The following HERC1 variants were observed in gnomAD, a reference collection of about 807,000 sequenced individuals.
HERC1 encodes HECT and RLD domain containing E3 ubiquitin protein ligase family member 1.
Under a neutral mutation model 554.3 loss-of-function variants are expected in HERC1, and 160 were observed. That is an observed-to-expected ratio of 0.29 (90% CI 0.25 to 0.33). The LOEUF is 0.33. Among genes scored for constraint, HERC1 ranks in the 10% least tolerant of loss-of-function variants. The pLI, the probability that HERC1 is intolerant of heterozygous loss-of-function variation, is 1.00. For missense variants in HERC1, 4,919 were observed against 5,918.5 expected (o/e 0.83, Z 5.54); for synonymous variants, 2,175 against 2,131.7 (o/e 1.02, Z -0.56).
Position 63,692,479 on chromosome 15 carries a change from T to C in HERC1, c.5762A>G (p.Gln1921Arg), listed in dbSNP as rs929949242. 6.2e-7 allele frequency: 1 copy of C among 1,613,382 alleles called. No homozygotes were observed. The highest frequency in any genetic ancestry group is 1.1e-5 in the South Asian group (1 of 90,896). The change falls in exon 31 of 78, where the codon CAA becomes CGA. Residue 1921 changes from glutamine (Q) to arginine (R), a missense_variant. Physicochemically the swap from Gln to Arg is conservative, Grantham distance 43. Coordinates refer to ENST00000443617, the MANE Select transcript of HERC1 (RefSeq NM_003922.4). This position sits in a 1 kb window ranked among gnomAD's most constrained non-coding sequence, Gnocchi z 4.7. ...CCACTTTGGGGAAGCCATTTTTGAT[T>C]GAATTGCTTTTGAAGATACAACTCT... ...LRRVVSSKAI[Q>R]SKMASPKWTE...
In HERC1 at chr15:63,694,440, C is replaced by T; in HGVS notation, c.5352G>A (p.Gln1784=). 6.2e-7 allele frequency: 1 copy of T among 1,614,020 alleles called. No individual in the cohort carries two copies. Among genetic ancestry groups the T allele is most frequent in the Non-Finnish European group, 8.5e-7 (1 of 1,179,884 alleles). ...CTAGCATGGTGTCTGTACCACACAA[C>T]TGTGACAATACGTTTAGCAGACCAG... ...ISTGLLNVLS[Q]LCGTDTMLGQ... The change falls in exon 29 of 78, where the codon CAG becomes CAA. Residue 1784 remains glutamine (Q), a synonymous_variant. Coordinates refer to ENST00000443617, the MANE Select transcript of HERC1 (RefSeq NM_003922.4). This position sits in a 1 kb window ranked among gnomAD's most constrained non-coding sequence, Gnocchi z 4.3.
chr15:63,719,759 T>C (rs1000647152), intron 19 of HERC1, among the ~76,000 whole-genome samples: 4 of 152,264 alleles, frequency 2.6e-5, no homozygotes, highest in African/African-American at 9.6e-5. Context: ...ATCTGTGATG[T>C]GAGAATATGA....
chr15:63,732,827 T>C, intron 14 of HERC1, 97 bp downstream of exon 14: 1 of 802,648 alleles, frequency 1.2e-6, no homozygotes. Context: ...GGTCTAGAGT[T>C]TGATTTCTAT....
intron 2 of HERC1, 75 bp downstream of exon 2, chr15:63,774,619 A>T: frequency 9.6e-7 from 1 of 1,037,556 alleles, no homozygotes; most frequent in Non-Finnish European, 1.4e-6. Context: ...CACTATTACC[A>T]CCAATTCATT....
chr15:63,696,415 T>C (rs2072416081), intron 26 of HERC1, 76 bp from the exon 27 acceptor site: 1 of 931,542 alleles, frequency 1.1e-6, no homozygotes, highest in Non-Finnish European at 1.7e-6. Flanking sequence ...AAAAACAGTA[T>C]TTTTAACACT....
chr15:63,702,584 C>A lies in HERC1; in HGVS notation c.4637-3588G>T, dbSNP rs566991772. Among the ~76,000 whole-genome samples the A allele has an allele frequency of 3.3e-5, 5 of 152,264 alleles. 1 individual carries two copies. The South Asian group carries it at 1.0e-3, about 32-fold the overall frequency. ...TCTGTAAACAATCGTACAACCATAG[C>A]AAATCTTTTAAGTTTTATCAAAGTA... On this transcript the variant is annotated intron_variant, in intron 25 of 77. Coordinates refer to ENST00000443617, the MANE Select transcript of HERC1 (RefSeq NM_003922.4).
In HERC1 at chr15:63,753,033, T is replaced by C. The variant is rs537671329; in HGVS notation, c.1827A>G (p.Glu609=). The C allele has an allele frequency of 2.5e-6, 4 of 1,613,358 alleles. No individual in the cohort carries two copies. The South Asian group carries it at 4.4e-5, about 18-fold the overall frequency. Residue 609 remains glutamate, a synonymous_variant, in exon 8 of 78, where the codon GAA becomes GAG. Coordinates refer to ENST00000443617, the MANE Select transcript of HERC1 (RefSeq NM_003922.4). ...TGCGAATGAACATTCCTTGTAAAGC[T>C]TCAATAACTTTAGGTTTATACACTC... ...TNRVYKPKVI[E]ALQGMFIRKV...
rs775181964 is a variant in HERC1, at chr15:63,663,013, T to C, written c.8872A>G (p.Ile2958Val). The change falls in exon 44 of 78, where the codon ATC (isoleucine) becomes GTC (valine). Residue 2958 changes from isoleucine to valine, a missense_variant. This residue lies in a region of HERC1 where 1,963 missense variants were observed against 2,228.6 expected (regional missense o/e 0.88). Transcript: ENST00000443617. ...GTAGGCCAATCCAGTACCTCTGGGA[T>C]CCACATTCCCAGAATATCATTGTCA... ...TSDNDILGMWIPEVLDWPTWH... is the reference protein window; with the variant it reads ...TSDNDILGMWVPEVLDWPTWH... 6.2e-7 allele frequency: 1 copy of C among 1,613,950 alleles called. No homozygotes were observed. The highest frequency in any genetic ancestry group is 8.5e-7 in the Non-Finnish European group (1 of 1,179,804).
Position 63,656,232 on chromosome 15 carries a change from C to T in HERC1, c.9726G>A (p.Met3242Ile), listed in dbSNP as rs1225816691. The T allele has an allele frequency of 5.6e-6, 9 of 1,613,604 alleles. No homozygotes were observed. Among genetic ancestry groups the T allele is most frequent in the African/African-American group, 2.7e-5 (2 of 74,922 alleles). ...RAGLSTSPSAMASTSERSRGG... is the reference protein window; with the variant it reads ...RAGLSTSPSAIASTSERSRGG... ...CTCGTGATCGTTCTGAGGTGCTAGC[C>T]ATGGCAGAAGGGCTGGTGGAGAGGC... Residue 3242 changes from methionine (M) to isoleucine (I), a missense_variant, in exon 49 of 78, where the codon ATG (methionine) becomes ATA (isoleucine). Physicochemically the swap from Met to Ile is conservative, Grantham distance 10. Coordinates refer to ENST00000443617, the MANE Select transcript of HERC1 (RefSeq NM_003922.4).
At chr15:63,618,726 G>C (rs949190489) in intron 74 of HERC1, among the ~76,000 whole-genome samples, 3 of 152,146 alleles carry the variant, frequency 2.0e-5, no homozygotes, top group African/African-American at 4.8e-5. Flanking sequence ...CACATCCCTT[G>C]TAAGTTGGAT....
At chr15:63,791,453 T>C (rs141331867) in intron 1 of HERC1, among the ~76,000 whole-genome samples, 12 of 152,232 alleles carry the variant, frequency 7.9e-5, no homozygotes, top group Admixed American at 7.8e-4. Flanking sequence ...TGCAGCAAGA[T>C]TTGCCAAACA....
intron 34 of HERC1, among the ~76,000 whole-genome samples, chr15:63,682,152 G>A (rs765741269): frequency 6.6e-6 from 1 of 152,148 alleles, no homozygotes; most frequent in Non-Finnish European, 1.5e-5. Context: ...GTACCTAGGT[G>A]GCTATGGAGT....
In HERC1 at chr15:63,616,426, T is replaced by C. The variant is rs763103139; in HGVS notation, c.13941+4A>G. The C allele has an allele frequency of 3.1e-6, 5 of 1,611,976 alleles. No individual in the cohort carries two copies. In the Admixed American group the frequency reaches 6.7e-5, roughly 22 times the overall value. Reference sequence around the variant, plus strand: ...AGTAGAAACATAGACTGGCCAGGATTTACCTCATGGAAACTCTCCTCGGTA... The same window carrying C: ...AGTAGAAACATAGACTGGCCAGGATCTACCTCATGGAAACTCTCCTCGGTA... On this transcript the variant is annotated splice_donor_region_variant and intron_variant, in intron 75 of 77. Coordinates refer to ENST00000443617, the MANE Select transcript of HERC1 (RefSeq NM_003922.4).
rs1457717307 is a variant in HERC1 at position 63,630,593 on chromosome 15, T to C, written c.12839A>G (p.Asn4280Ser). 6.8e-6 allele frequency: 11 copies of C among 1,613,742 alleles called. No homozygotes were observed. The highest frequency in any genetic ancestry group is 5.5e-5 in the South Asian group (5 of 91,000). The change falls in exon 69 of 78, where the codon AAT becomes AGT. Residue 4280 changes from asparagine (N) to serine (S), a missense_variant. Asn to Ser is a conservative substitution (Grantham distance 46). Coordinates refer to ENST00000443617, the MANE Select transcript of HERC1 (RefSeq NM_003922.4). ...CAGGACAGGGATTTGTTGCGGTCGA[T>C]TGTGATTGCGAGCACGCCCCTCTGG... ...GLPEGRARNH[N>S]RPQQIPVLAG...
intron 76 of HERC1, among the ~76,000 whole-genome samples, chr15:63,613,762 G>A (rs1305901541): frequency 6.6e-6 from 1 of 152,018 alleles, no homozygotes; most frequent in Non-Finnish European, 1.5e-5. Flanking sequence ...GAGCCCAACA[G>A]TTCAAAGCTG....
intron 39 of HERC1, among the ~76,000 whole-genome samples, chr15:63,671,924 A>G (rs1357071481): frequency 6.6e-6 from 1 of 152,212 alleles, no homozygotes; most frequent in Non-Finnish European, 1.5e-5. Flanking sequence ...AAAAGTTTTC[A>G]TTTGTATATA....
chr15:63,721,228 A>C (rs2073804655), intron 19 of HERC1, among the ~76,000 whole-genome samples: 2 of 152,186 alleles, frequency 1.3e-5, no homozygotes, highest in African/African-American at 2.4e-5. Context: ...ATAAATGATT[A>C]ACAAACAAAA....
At chr15:63,728,938 T>TA (rs770900168) in intron 16 of HERC1, among the ~76,000 whole-genome samples, 29 of 130,586 alleles carry the variant, frequency 2.2e-4, no homozygotes, top group Non-Finnish European at 2.5e-4. Context: ...AGAGCAGGTT[T>TA]TAAAAAAAAA....
At chr15:63,615,963 T>TGA (rs2067796701) in intron 75 of HERC1, 43 bp from the exon 76 acceptor site, 7 of 1,489,180 alleles carry the variant, frequency 4.7e-6, no homozygotes, top group Non-Finnish European at 6.3e-6. Flanking sequence ...ATGGTAGAAA[T>TGA]GACAGCAAAA....
Sources: allele counts gnomAD v4.1 joint callset (sites outside exome capture counted in the v4.1 genomes callset), GRCh38; gene constraint gnomAD v4.1.1; regional missense constraint gnomAD v4.1.1; non-coding constraint Gnocchi (gnomAD v3.1); transcripts MANE v1.5; gene names NCBI Gene and HGNC (gene_info 2026-07-23, HGNC 2026-07-21).